The following ANO4 variants were observed in gnomAD, a reference collection of about 807,000 sequenced individuals.
The protein encoded by ANO4 is anoctamin-4.
Under a neutral mutation model 141.9 loss-of-function variants are expected in ANO4, and 69 were observed. The ratio of observed to expected loss-of-function variants is 0.49; its 90% CI spans 0.40 to 0.59. The LOEUF is 0.59. ANO4 is among the 20% of genes least tolerant of loss of function. ANO4 has a pLI of 0.00. For synonymous variants in ANO4, 350 were observed against 394.3 expected, an observed-to-expected ratio of 0.89 and a Z score of 1.33; for missense variants, 894 against 1,162.2, an observed-to-expected ratio of 0.77 and a Z score of 3.36.
intron 8 of ANO4, among the ~76,000 whole-genome samples, chr12:101,016,579 C>G (rs2046325111): frequency 6.6e-6 from 1 of 152,174 alleles, no homozygotes; most frequent in Non-Finnish European, 1.5e-5. Context: ...AGCTAGTGTT[C>G]TTCAGATGGT....
At chr12:101,072,727 T>G (rs1265011038) in intron 14 of ANO4, among the ~76,000 whole-genome samples, 1 of 151,714 alleles carries the variant, frequency 6.6e-6, no homozygotes, top group East Asian at 1.9e-4. Flanking sequence ...CTACAAAGAA[T>G]TTAAACAAAC....
chr12:101,096,154 G>C (rs2049973045), intron 18 of ANO4, among the ~76,000 whole-genome samples: 1 of 152,042 alleles, frequency 6.6e-6, no homozygotes, highest in African/African-American at 2.4e-5. Context: ...TTTGGAGCTG[G>C]GAGGAACTAA....
chr12:100,805,526 G>A (rs116732658), intron 1 of ANO4, among the ~76,000 whole-genome samples: 7,858 of 152,198 alleles, frequency 0.052, 218 homozygotes, highest in Non-Finnish European at 0.067. Flanking sequence ...TATTGAATCC[G>A]TAAATTACTT....
chr12:100,846,661 T>C (rs2037575321), intron 1 of ANO4, among the ~76,000 whole-genome samples: 1 of 152,158 alleles, frequency 6.6e-6, no homozygotes, highest in Non-Finnish European at 1.5e-5. Flanking sequence ...GGGACAAAAG[T>C]ACTCATCTCT....
intron 1 of ANO4, among the ~76,000 whole-genome samples, chr12:100,854,198 T>C (rs2038040543): frequency 1.3e-5 from 2 of 152,200 alleles, no homozygotes; most frequent in South Asian, 4.1e-4. Flanking sequence ...AAGATAATCT[T>C]TTTGGATGTC....
chr12:101,048,109 A>G, intron 13 of ANO4: 1 of 1,137,694 alleles, frequency 8.8e-7, no homozygotes, highest in Non-Finnish European at 1.2e-6. Flanking sequence ...TAAATGTTCA[A>G]CTAGATGATA....
chr12:100,802,504 A>C (rs1458708497), intron 1 of ANO4, among the ~76,000 whole-genome samples: 1 of 152,246 alleles, frequency 6.6e-6, no homozygotes, highest in Admixed American at 6.5e-5. Flanking sequence ...TTAGTCTAAA[A>C]AGATTGAAGA....
intron 25 of ANO4, among the ~76,000 whole-genome samples, chr12:101,120,009 C>T (rs1223217351): frequency 6.6e-6 from 1 of 152,134 alleles, no homozygotes; most frequent in African/African-American, 2.4e-5. Flanking sequence ...ACTTAAACAA[C>T]AAAAAATTGT....
At chr12:100,735,875 T>C (rs962441906) in intron 2 of ANO4, among the ~76,000 whole-genome samples, 20 of 152,146 alleles carry the variant, frequency 1.3e-4, no homozygotes, top group African/African-American at 4.8e-4. Flanking sequence ...GTTCAGGAGA[T>C]GAAGATATTG....
intron 1 of ANO4, among the ~76,000 whole-genome samples, chr12:100,730,525 G>C (rs2031338017): frequency 6.6e-6 from 1 of 152,166 alleles, no homozygotes; most frequent in South Asian, 2.1e-4. Context: ...TTATTTGTTT[G>C]TTCCTTCTTT....
At chr12:101,113,658 T>C (rs2050746541) in intron 24 of ANO4, among the ~76,000 whole-genome samples, 2 of 152,196 alleles carry the variant, frequency 1.3e-5, no homozygotes, top group Admixed American at 6.5e-5. Flanking sequence ...ATTTTTCCAA[T>C]TTAGAAATGC....
chr12:100,929,700 T>G (rs150074444), intron 3 of ANO4, among the ~76,000 whole-genome samples: 1 of 152,100 alleles, frequency 6.6e-6, no homozygotes, highest in African/African-American at 2.4e-5. Context: ...CTGTCCTTCA[T>G]AGTGGTTGTA....
intron 1 of ANO4, among the ~76,000 whole-genome samples, chr12:100,869,143 T>C (rs1403006655): frequency 1.3e-5 from 2 of 152,236 alleles, no homozygotes; most frequent in East Asian, 3.9e-4. Flanking sequence ...GGGGTGAGTA[T>C]ATCCCATGAG....
chr12:100,748,446 T>C (rs1343324331), intron 3 of ANO4, among the ~76,000 whole-genome samples: 1 of 152,212 alleles, frequency 6.6e-6, no homozygotes, highest in Non-Finnish European at 1.5e-5. Context: ...CCAGCCAGCC[T>C]GAGCCTTTCT....
At chr12:100,811,926 C>T (rs1392273187) in intron 1 of ANO4, among the ~76,000 whole-genome samples, 1 of 152,082 alleles carries the variant, frequency 6.6e-6, no homozygotes, top group Admixed American at 6.6e-5. Flanking sequence ...CTAACTGGCC[C>T]CTGTTTTGTA....
At chr12:100,869,665 G>T (rs1053640622) in intron 1 of ANO4, among the ~76,000 whole-genome samples, 19 of 152,162 alleles carry the variant, frequency 1.2e-4, no homozygotes, top group African/African-American at 4.6e-4. Context: ...AAAATGAGGG[G>T]TTGCTGCAGT....
At chr12:101,051,941 A>G (rs2047890380) in intron 14 of ANO4, among the ~76,000 whole-genome samples, 1 of 152,326 alleles carries the variant, frequency 6.6e-6, no homozygotes, top group African/African-American at 2.4e-5. Flanking sequence ...GCTCAGTTTA[A>G]TGGTCTCAGG....
At chr12:101,048,459 C>A in intron 14 of ANO4, 58 bp downstream of exon 14, 1 of 1,455,764 alleles carries the variant, frequency 6.9e-7, no homozygotes, top group Non-Finnish European at 9.5e-7. Flanking sequence ...TGATATATTC[C>A]TTTAGAAGTT....
intron 16 of ANO4, 104 bp downstream of exon 16, chr12:101,083,922 A>T: frequency 1.7e-6 from 2 of 1,158,156 alleles, no homozygotes; most frequent in Non-Finnish European, 2.3e-6. Context: ...ATATTTTTGC[A>T]CTTTGTTATT....
Sources: allele counts gnomAD v4.1 joint callset (sites outside exome capture counted in the v4.1 genomes callset), GRCh38; gene constraint gnomAD v4.1.1; transcripts MANE v1.5; gene names NCBI Gene and HGNC (gene_info 2026-07-23, HGNC 2026-07-21).